GPC5: variants seen among roughly 807,000 people sequenced by gnomAD.
The protein encoded by GPC5 is glypican 5, also known as glypican-5.
A neutral mutation model predicts 53.9 loss-of-function variants in GPC5; 47 were observed. That is an observed-to-expected ratio of 0.87 (90% CI 0.69 to 1.11). The LOEUF is 1.11. Ranked by LOEUF, GPC5 falls within the 50% of genes most tolerant of loss-of-function variation. GPC5 has a pLI of 0.00. For missense variants in GPC5, 748 were observed against 713.1 expected (o/e 1.05, Z -0.56); for synonymous variants, 286 against 263.3 (o/e 1.09, Z -0.84).
At chr13:92,415,141 G>A (rs1281122280) in intron 7 of GPC5, among the ~76,000 whole-genome samples, 2 of 152,180 alleles carry the variant, frequency 1.3e-5, no homozygotes, top group Non-Finnish European at 1.5e-5. Context: ...AAGCTGGAGA[G>A]CTGGACAGGA....
intron 7 of GPC5, among the ~76,000 whole-genome samples, chr13:92,270,039 G>A (rs1382884828): frequency 6.6e-6 from 1 of 152,118 alleles, no homozygotes; most frequent in Non-Finnish European, 1.5e-5. Flanking sequence ...TGGGAACTGT[G>A]GTTCAGGGAA....
chr13:92,737,244 T>C lies in GPC5; in HGVS notation c.1562-129038T>C, dbSNP rs540357026. ...CTTAATAAATGTATGCTGAATTAAA[T>C]TGAATTATTGCCATGATTCATGTGA... On this transcript the variant is annotated intron_variant, in intron 7 of 7. Transcript: ENST00000377067. Among the ~76,000 whole-genome samples, 217 of 152,212 alleles carry C rather than the reference T, an allele frequency of 1.4e-3. 1 individual carries two copies. Among genetic ancestry groups the C allele is most frequent in the African/African-American group, 4.9e-3 (203 of 41,562 alleles).
intron 7 of GPC5, among the ~76,000 whole-genome samples, chr13:92,229,262 A>G (rs1327603212): frequency 6.6e-6 from 1 of 152,136 alleles, no homozygotes; most frequent in Non-Finnish European, 1.5e-5. Context: ...AACTAACTAT[A>G]TGAAATACTC....
At chr13:91,725,130 G>C (rs142619081) in intron 3 of GPC5, 1 of 152,240 alleles carries the variant, frequency 6.6e-6, no homozygotes, top group African/African-American at 2.4e-5. Flanking sequence ...AATGGTGGAA[G>C]TGATATGGGC....
chr13:92,023,281 A>T (rs1028989390), intron 6 of GPC5, among the ~76,000 whole-genome samples: 4 of 152,120 alleles, frequency 2.6e-5, no homozygotes, highest in African/African-American at 9.7e-5. Flanking sequence ...GGAAGACGTC[A>T]TAAATCAAAC....
intron 1 of GPC5, among the ~76,000 whole-genome samples, chr13:91,426,544 A>G (rs958633238): frequency 6.6e-6 from 1 of 152,192 alleles, no homozygotes; most frequent in Non-Finnish European, 1.5e-5. Context: ...AGGGAAGCCA[A>G]CAGTGCAGCC....
At chr13:92,263,586 G>A (rs545982912) in intron 7 of GPC5, among the ~76,000 whole-genome samples, 1 of 151,972 alleles carries the variant, frequency 6.6e-6, no homozygotes, top group East Asian at 1.9e-4. Flanking sequence ...TATATAGTGG[G>A]GTAGAAGGTA....
At chr13:92,077,426 T>G (rs1214212809) in intron 6 of GPC5, among the ~76,000 whole-genome samples, 1 of 152,214 alleles carries the variant, frequency 6.6e-6, no homozygotes, top group Non-Finnish European at 1.5e-5. Context: ...TAGATGACTC[T>G]GTGATCTGAG....
chr13:92,658,919 G>GTTTTTTT lies in GPC5; in HGVS notation c.1562-207359_1562-207358insTTTTTTT, dbSNP rs1358143857. 70 of 96,034 alleles carry GTTTTTTT rather than the reference G, an allele frequency of 7.3e-4. 1 individual carries two copies. Among genetic ancestry groups the GTTTTTTT allele is most frequent in the African/African-American group, 2.4e-3 (69 of 28,518 alleles). The allele number at this position is 96,034 out of a possible 1,614,324, so 5.9% of individuals were successfully genotyped here. A position where few individuals can be genotyped will look rare whatever the true frequency, so the allele number is the denominator to read the frequency against. The stretch of plus-strand genomic sequence containing the variant: ...TAATTGACAAAGAAAAGTTGTATAT[G>GTTTTTTT]TTTTGTTTTTTTTTTTTTTTTTTTT... On this transcript the variant is annotated intron_variant, in intron 7 of 7. Coordinates refer to ENST00000377067, the MANE Select transcript of GPC5 (RefSeq NM_004466.6).
chr13:92,322,652 A>C (rs1192761729), intron 7 of GPC5, among the ~76,000 whole-genome samples: 1 of 152,168 alleles, frequency 6.6e-6, no homozygotes, highest in South Asian at 2.1e-4. Flanking sequence ...TTAACATTTT[A>C]ATGTGTATGT....
At chr13:92,670,076 C>T (rs1229787522) in intron 7 of GPC5, among the ~76,000 whole-genome samples, 2 of 152,146 alleles carry the variant, frequency 1.3e-5, no homozygotes, top group African/African-American at 4.8e-5. Flanking sequence ...CAGCGCCTAG[C>T]ACAGTCCTTA....
At position 91,818,264 on chromosome 13, in the gene GPC5, G is replaced by GGCA. The variant is rs1294417619; in HGVS notation, c.1280+61847_1280+61849dup. On this transcript the variant is annotated intron_variant, in intron 5 of 7. Coordinates refer to ENST00000377067, the MANE Select transcript of GPC5 (RefSeq NM_004466.6). ...TTTGTTTTTGTTTACCAGAATGTCT[G>GGCA]GCAGCTTGTATATCACAACTGCTAG... 2.0e-5 allele frequency among the ~76,000 whole-genome samples: 3 copies of GGCA among 152,268 alleles called. No individual in the cohort carries two copies. The East Asian group carries it at 5.8e-4, about 29-fold the overall frequency.
intron 6 of GPC5, among the ~76,000 whole-genome samples, chr13:92,041,594 G>A (rs2040942466): frequency 6.6e-6 from 1 of 152,158 alleles, no homozygotes; most frequent in Admixed American, 6.5e-5. Context: ...CCCCCCTAAA[G>A]CTGTGTCCAT....
At chr13:91,634,833 A>T (rs1309984982) in intron 2 of GPC5, among the ~76,000 whole-genome samples, 1 of 152,142 alleles carries the variant, frequency 6.6e-6, no homozygotes, top group African/African-American at 2.4e-5. Context: ...GCATATGATT[A>T]GGCTGAAGAG....
At chr13:92,831,203 C>T (rs1029339316) in intron 7 of GPC5, among the ~76,000 whole-genome samples, 3 of 152,058 alleles carry the variant, frequency 2.0e-5, no homozygotes, top group Non-Finnish European at 4.4e-5. Context: ...ATTCCTGTTA[C>T]CCTGTATTAG....
chr13:91,757,370 A>C (rs1192838300), intron 5 of GPC5, among the ~76,000 whole-genome samples: 1 of 152,148 alleles, frequency 6.6e-6, no homozygotes, highest in Non-Finnish European at 1.5e-5. Flanking sequence ...GCAGTCTCCA[A>C]AATGAAAGAT....
At chr13:92,022,724 A>T (rs1476128945) in intron 6 of GPC5, among the ~76,000 whole-genome samples, 1 of 152,048 alleles carries the variant, frequency 6.6e-6, no homozygotes, top group East Asian at 1.9e-4. Context: ...TCAGCCCCAA[A>T]TATAAAATAA....
intron 7 of GPC5, among the ~76,000 whole-genome samples, chr13:92,348,230 T>G (rs2043444287): frequency 6.6e-6 from 1 of 151,552 alleles, no homozygotes; most frequent in South Asian, 2.1e-4. Context: ...GAGCCTCACC[T>G]TGTATTTTAG....
At chr13:91,969,796 G>A (rs2139088838) in intron 6 of GPC5, among the ~76,000 whole-genome samples, 1 of 152,154 alleles carries the variant, frequency 6.6e-6, no homozygotes, top group Non-Finnish European at 1.5e-5. Flanking sequence ...GAAAAATTCA[G>A]ATCAAAACCA....
Sources: gnomAD v4.1 joint callset for allele counts (sites outside exome capture counted in the v4.1 genomes callset) on GRCh38, gnomAD v4.1.1 for gene constraint, MANE v1.5 for transcripts, NCBI Gene and HGNC (gene_info 2026-07-23, HGNC 2026-07-21) for gene names.